CDC42BPA: variants seen among roughly 807,000 people sequenced by gnomAD.
CDC42BPA encodes serine/threonine-protein kinase MRCK alpha.
In CDC42BPA, 80 loss-of-function variants were observed where a neutral mutation model predicts 223.5. The observed-to-expected ratio is 0.36, with a 90% confidence interval of 0.30 to 0.43. The LOEUF is 0.43. Ranked by LOEUF, CDC42BPA falls within the 20% of genes least tolerant of loss-of-function variation. The pLI is 1.00. For synonymous variants in CDC42BPA, 694 were observed against 718.6 expected (o/e 0.97, Z 0.55); for missense variants, 1,743 against 2,099.9 (o/e 0.83, Z 3.32).
intron 1 of CDC42BPA, chr1:227,265,333 T>A: frequency 2.6e-6 from 1 of 377,688 alleles, no homozygotes; most frequent in Non-Finnish European, 5.0e-6. Context: ...CTATACCTCA[T>A]AACCCTCACA....
At chr1:227,051,823 T>C (rs1250651317) in intron 22 of CDC42BPA, 58 bp downstream of exon 22, 1 of 966,714 alleles carries the variant, frequency 1.0e-6, no homozygotes, top group African/African-American at 1.7e-5. Context: ...TTTTATTCAA[T>C]TCCCTCTTTT....
chr1:227,049,753 A>G (rs1443220529), intron 22 of CDC42BPA, among the ~76,000 whole-genome samples: 3 of 152,172 alleles, frequency 2.0e-5, no homozygotes, highest in East Asian at 3.8e-4. Context: ...ATGCATATAA[A>G]GCAGAAATAG....
chr1:227,309,228 A>AAG (rs1693106656), intron 1 of CDC42BPA, among the ~76,000 whole-genome samples: 1 of 149,076 alleles, frequency 6.7e-6, no homozygotes. Flanking sequence ...AAAAATAAGC[A>AAG]AGAAAACTAA....
chr1:227,064,387 T>C (rs1394630787), intron 21 of CDC42BPA, among the ~76,000 whole-genome samples: 1 of 152,206 alleles, frequency 6.6e-6, no homozygotes, highest in Non-Finnish European at 1.5e-5. Context: ...TTTATATGAT[T>C]GTAATTAGTA....
intron 35 of CDC42BPA, among the ~76,000 whole-genome samples, chr1:227,001,391 G>C (rs1432542803): frequency 3.9e-5 from 6 of 152,114 alleles, no homozygotes; most frequent in African/African-American, 2.4e-5. Flanking sequence ...ATGCGTTAAG[G>C]GCCTTGACAA....
In CDC42BPA at chr1:227,029,267, T is replaced by G; in HGVS notation, c.3839-17A>C. Reference sequence around the variant, plus strand: ...TAATAATTTCTAAACACAGAAAGAATAATAAATCAAAATATAGTTTTATTG... The same window carrying G: ...TAATAATTTCTAAACACAGAAAGAAGAATAAATCAAAATATAGTTTTATTG... On this transcript the variant is annotated splice_polypyrimidine_tract_variant and intron_variant, in intron 29 of 36. Coordinates refer to ENST00000366766, the MANE Select transcript of CDC42BPA (RefSeq NM_001394014.1). The G allele has an allele frequency of 6.8e-7, 1 of 1,462,342 alleles. No individual in the cohort carries two copies. The highest frequency in any genetic ancestry group is 9.3e-7 in the Non-Finnish European group (1 of 1,079,740). 90.6% of individuals were successfully genotyped at this position (1,462,342 alleles called of 1,614,324 possible).
chr1:227,111,763 G>A (rs1392032009), intron 14 of CDC42BPA, among the ~76,000 whole-genome samples: 2 of 152,186 alleles, frequency 1.3e-5, no homozygotes, highest in Admixed American at 6.5e-5. Flanking sequence ...GATTACAGGC[G>A]TGAGCCACTG....
chr1:227,182,531 T>G (rs891358151), intron 5 of CDC42BPA, among the ~76,000 whole-genome samples: 13 of 152,246 alleles, frequency 8.5e-5, no homozygotes, highest in African/African-American at 3.1e-4. Context: ...GAATCCCTTG[T>G]ACTCTTCCAC....
At chr1:227,099,213 G>A (rs550548163) in intron 15 of CDC42BPA, among the ~76,000 whole-genome samples, 3 of 151,816 alleles carry the variant, frequency 2.0e-5, no homozygotes, top group South Asian at 4.2e-4. Context: ...ACTTCGTATC[G>A]TTATCTTAGA....
At chr1:227,108,591 G>A (rs928998417) in intron 14 of CDC42BPA, among the ~76,000 whole-genome samples, 2 of 152,074 alleles carry the variant, frequency 1.3e-5, no homozygotes, top group Non-Finnish European at 2.9e-5. Context: ...TGGGTGAAAA[G>A]TTCTATATAT....
rs143114665 is a variant in CDC42BPA, at chr1:227,237,975, T to C, written c.270+16089A>G. Among the ~76,000 whole-genome samples, 113 of 147,588 alleles carry C rather than the reference T, an allele frequency of 7.7e-4. 2 individuals are homozygous for C. The East Asian group carries it at 0.02, about 26-fold the overall frequency. ...AATTGCTTGAACCCAGGGGTGGAGG[T>C]TGCAGTGGGCTGAGATCGTGCCATT... On this transcript the variant is annotated intron_variant, in intron 2 of 36. Transcript: ENST00000366766.
Position 227,143,114 on chromosome 1 carries a change from T to A in CDC42BPA, c.1144-90A>T, listed in dbSNP as rs537475546. ...ATATAAAATGCCAAAAAGAAATATT[T>A]AAAAAAAAATTGTGACTGTTCAATT... On this transcript the variant is annotated intron_variant, in intron 8 of 36. Transcript: ENST00000366766. 1.2e-4 allele frequency: 88 copies of A among 740,550 alleles called. No individual in the cohort carries two copies. The African/African-American group carries it at 1.4e-3, about 12-fold the overall frequency. The allele number at this position is 740,550 out of a possible 1,614,324, so 45.9% of individuals were successfully genotyped here. A position where few individuals can be genotyped will look rare whatever the true frequency, so the allele number is the denominator to read the frequency against.
At chr1:227,227,875 A>T (rs140275087) in intron 2 of CDC42BPA, among the ~76,000 whole-genome samples, 1 of 152,256 alleles carries the variant, frequency 6.6e-6, no homozygotes, top group Non-Finnish European at 1.5e-5. Flanking sequence ...AGTAAATGAT[A>T]AATGTTCCAT....
chr1:227,027,929 C>G (rs901079453), intron 30 of CDC42BPA, among the ~76,000 whole-genome samples: 1 of 152,010 alleles, frequency 6.6e-6, no homozygotes, highest in Non-Finnish European at 1.5e-5. Context: ...CCAGCCTGAA[C>G]AACTAATGAG....
chr1:227,165,372 A>G (rs1218107009), intron 5 of CDC42BPA, among the ~76,000 whole-genome samples: 1 of 152,192 alleles, frequency 6.6e-6, no homozygotes, highest in African/African-American at 2.4e-5. Context: ...AAGGAACTAA[A>G]TTGACTTGAT....
chr1:227,261,079 A>G (rs1418802136), intron 1 of CDC42BPA, among the ~76,000 whole-genome samples: 1 of 149,526 alleles, frequency 6.7e-6, no homozygotes, highest in Admixed American at 6.6e-5. Flanking sequence ...TTTAAGCACC[A>G]GTATCTTTCA....
In CDC42BPA at chr1:227,073,850, T is replaced by A. The variant is rs764661292; in HGVS notation, c.2735+14A>T. On this transcript the variant is annotated intron_variant, in intron 19 of 36. Coordinates refer to ENST00000366766, the MANE Select transcript of CDC42BPA (RefSeq NM_001394014.1). Reference sequence around the variant, plus strand: ...TAGAAATTATTCTAGTGGGACTATATGATTCAATCTTACCATTCTGTTATG... The same window carrying A: ...TAGAAATTATTCTAGTGGGACTATAAGATTCAATCTTACCATTCTGTTATG... The A allele has an allele frequency of 6.5e-7, 1 of 1,537,134 alleles. No homozygotes were observed. The highest frequency in any genetic ancestry group is 2.4e-5 in the East Asian group (1 of 42,338).
chr1:227,011,596 T>C (rs1355425264), intron 34 of CDC42BPA, among the ~76,000 whole-genome samples: 2 of 152,304 alleles, frequency 1.3e-5, no homozygotes, highest in East Asian at 3.8e-4. Flanking sequence ...AATTATTGGT[T>C]TACCTTTAAG....
At chr1:227,132,713 T>C (rs1012510011) in intron 10 of CDC42BPA, among the ~76,000 whole-genome samples, 1 of 149,148 alleles carries the variant, frequency 6.7e-6, no homozygotes, top group Non-Finnish European at 1.5e-5. Context: ...CACCATCCCA[T>C]CTAGGAAGTG....
Sources: gnomAD v4.1 joint callset for allele counts (sites outside exome capture counted in the v4.1 genomes callset) on GRCh38, gnomAD v4.1.1 for gene constraint, MANE v1.5 for transcripts, NCBI Gene and HGNC (gene_info 2026-07-23, HGNC 2026-07-21) for gene names.